The following GRAMD1B variants were observed in gnomAD, a reference collection of about 807,000 sequenced individuals.
GRAMD1B encodes the protein protein Aster-B.
GRAMD1B carries 37 observed loss-of-function variants against 99.7 expected under a neutral mutation model. The observed-to-expected ratio is 0.37, with a 90% CI of 0.29 to 0.49. The LOEUF (loss-of-function observed/expected upper bound fraction) is 0.49, where lower values mean the gene tolerates loss of function less well. Among genes scored for constraint, GRAMD1B ranks in the 20% least tolerant of loss-of-function variants. GRAMD1B has a pLI of 0.98. For synonymous variants in GRAMD1B, 427 were observed against 387.6 expected (o/e 1.10, Z -1.19); for missense variants, 888 against 1,009.2 (o/e 0.88, Z 1.63).
intron 1 of GRAMD1B, among the ~76,000 whole-genome samples, chr11:123,449,731 T>TTTTTTTTTTTTTTTTA (rs1360753936): frequency 6.7e-6 from 1 of 149,340 alleles, no homozygotes; most frequent in African/African-American, 2.5e-5. Context: ...TTTTTTTTTT[T>TTTTTTTTTTTTTTTTA]GAGACAGGGT....
chr11:123,443,889 A>G (rs1321792583), intron 1 of GRAMD1B, among the ~76,000 whole-genome samples: 1 of 152,198 alleles, frequency 6.6e-6, no homozygotes, highest in Non-Finnish European at 1.5e-5. Flanking sequence ...CCCAGATTCA[A>G]AGATTTTCTG....
At chr11:123,502,668 G>A (rs1408138104) in intron 2 of GRAMD1B, among the ~76,000 whole-genome samples, 1 of 151,728 alleles carries the variant, frequency 6.6e-6, no homozygotes, top group Non-Finnish European at 1.5e-5. Context: ...CCAGCTAATC[G>A]GGAGGCTGAG....
intron 8 of GRAMD1B, among the ~76,000 whole-genome samples, chr11:123,601,405 C>A (rs563102639): frequency 6.6e-6 from 1 of 151,312 alleles, no homozygotes; most frequent in Non-Finnish European, 1.5e-5. Flanking sequence ...AAAAAAAGTT[C>A]CCACTCAGAT....
chr11:123,620,593 G>C (rs776954747), intron 19 of GRAMD1B, among the ~76,000 whole-genome samples: 1 of 151,914 alleles, frequency 6.6e-6, no homozygotes, highest in Non-Finnish European at 1.5e-5. Flanking sequence ...AAACCAAAAG[G>C]GGACAGAAAG....
At chr11:123,609,757 C>A in intron 12 of GRAMD1B, 38 bp from the exon 13 acceptor site, 1 of 1,178,212 alleles carries the variant, frequency 8.5e-7, no homozygotes, top group Non-Finnish European at 1.2e-6. Context: ...AGGGCTCTGC[C>A]CTCCCTTCCT....
At chr11:123,609,948 T>G in intron 13 of GRAMD1B, 35 bp downstream of exon 13, 2 of 1,166,992 alleles carry the variant, frequency 1.7e-6, no homozygotes, top group Non-Finnish European at 2.5e-6. Flanking sequence ...AAGAGCGAGC[T>G]GGAAAATCCT....
intron 2 of GRAMD1B, among the ~76,000 whole-genome samples, chr11:123,517,135 G>A (rs1941746608): frequency 6.6e-6 from 1 of 152,128 alleles, no homozygotes; most frequent in Non-Finnish European, 1.5e-5. Context: ...GGCCAGGCTG[G>A]TTTCAAACTC....
At chr11:123,570,768 G>A (rs757371927) in intron 2 of GRAMD1B, among the ~76,000 whole-genome samples, 4 of 152,160 alleles carry the variant, frequency 2.6e-5, no homozygotes, top group Non-Finnish European at 4.4e-5. Context: ...TATTTATGGA[G>A]CGTACCAAGC....
rs1943597384 is a variant in GRAMD1B, at chr11:123,533,234, G to A, written c.453-44133G>A. ...GATCTGCCCGCCTCAGCCTCCCAAA[G>A]TGCTGGGATTACAGGCGTGAGCCAC... On this transcript the variant is annotated intron_variant, in intron 2 of 19. Coordinates refer to ENST00000635736, the MANE Select transcript of GRAMD1B (RefSeq NM_001387025.1). Among the ~76,000 whole-genome samples the A allele has an allele frequency of 5.3e-5, 8 of 152,192 alleles. No individual in the cohort carries two copies. The South Asian group carries it at 1.7e-3, about 32-fold the overall frequency.
intron 1 of GRAMD1B, among the ~76,000 whole-genome samples, chr11:123,469,098 G>A (rs1950857208): frequency 6.6e-6 from 1 of 152,040 alleles, no homozygotes; most frequent in Admixed American, 6.6e-5. Context: ...TACCAGGCCA[G>A]TAGAAAGGCA....
chr11:123,390,771 A>ACTTT (rs1354009862), intron 1 of GRAMD1B, among the ~76,000 whole-genome samples: 1 of 152,128 alleles, frequency 6.6e-6, no homozygotes, highest in African/African-American at 2.4e-5. Context: ...CTGGTATGCC[A>ACTTT]CTTTTCTTTG....
chr11:123,528,967 G>A (rs1457109443), intron 2 of GRAMD1B, among the ~76,000 whole-genome samples: 1 of 152,222 alleles, frequency 6.6e-6, no homozygotes, highest in Non-Finnish European at 1.5e-5. Context: ...TGGTGTGTCA[G>A]TCAGGCCTTC....
At chr11:123,368,214 A>G (rs1297343668) in intron 1 of GRAMD1B, among the ~76,000 whole-genome samples, 4 of 146,138 alleles carry the variant, frequency 2.7e-5, no homozygotes. Context: ...AGATTGCACC[A>G]TTGCACTCCT....
intron 1 of GRAMD1B, among the ~76,000 whole-genome samples, chr11:123,411,031 G>A (rs554650631): frequency 6.6e-6 from 1 of 151,102 alleles, no homozygotes; most frequent in South Asian, 2.1e-4. Context: ...TTAAGACGGA[G>A]TCTTGCTCTG....
chr11:123,465,094 A>T (rs1399878083), intron 1 of GRAMD1B, among the ~76,000 whole-genome samples: 2 of 152,142 alleles, frequency 1.3e-5, no homozygotes, highest in Non-Finnish European at 2.9e-5. Flanking sequence ...GGGAGTGAAC[A>T]TGTGGCTTTT....
chr11:123,388,982 A>G (rs1947174759), intron 1 of GRAMD1B, among the ~76,000 whole-genome samples: 1 of 152,202 alleles, frequency 6.6e-6, no homozygotes, highest in Non-Finnish European at 1.5e-5. Context: ...TCACATTGAT[A>G]TTATAATAGT....
chr11:123,502,733 C>T (rs1348020816), intron 2 of GRAMD1B, among the ~76,000 whole-genome samples: 1 of 147,034 alleles, frequency 6.8e-6, no homozygotes. Context: ...TGAGATAGTG[C>T]CATTGCACTC....
intron 1 of GRAMD1B, among the ~76,000 whole-genome samples, chr11:123,440,784 A>C (rs900295804): frequency 6.6e-6 from 1 of 152,184 alleles, no homozygotes. Context: ...GGTGGAAAGC[A>C]AATGGGGGTT....
chr11:123,412,072 ATAATG>A (rs1474019133), intron 1 of GRAMD1B, among the ~76,000 whole-genome samples: 9 of 152,328 alleles, frequency 5.9e-5, no homozygotes, highest in Non-Finnish European at 8.8e-5. Context: ...ACAGAGATAC[ATAATG>A]TGGTAAGTGT....
Sources: allele counts gnomAD v4.1 joint callset (sites outside exome capture counted in the v4.1 genomes callset), GRCh38; gene constraint gnomAD v4.1.1; transcripts MANE v1.5; gene names NCBI Gene and HGNC (gene_info 2026-07-23, HGNC 2026-07-21).